The following TLL2 variants were observed in gnomAD, a reference collection of about 807,000 sequenced individuals.
The protein encoded by TLL2 is tolloid-like protein 2.
A neutral mutation model predicts 123.0 loss-of-function variants in TLL2; 106 were observed. That is an observed-to-expected ratio of 0.86 (90% confidence interval 0.74 to 1.01). The LOEUF (loss-of-function observed/expected upper bound fraction) is 1.01, where lower values mean the gene tolerates loss of function less well. TLL2 is among the 50% of genes least tolerant of loss of function. TLL2 has a pLI of 0.00. For synonymous variants in TLL2, 494 were observed against 516.8 expected (o/e 0.96, Z 0.60); for missense variants, 1,332 against 1,336.7 (o/e 1.00, Z 0.06).
chr10:96,487,576 G>A (rs887352716), intron 1 of TLL2, among the ~76,000 whole-genome samples: 1 of 152,154 alleles, frequency 6.6e-6, no homozygotes. Context: ...GGTGGAGTTG[G>A]GGGAGGGAGA....
Position 96,493,939 on chromosome 10 carries a change from G to A in TLL2, c.176-13480C>T, listed in dbSNP as rs117780282. ...AACGACTAGCCCAAGTTGACAATCC[G>A]TAAGAAGGGGACAGGGCTTGAACTC... On this transcript the variant is annotated intron_variant, in intron 1 of 20. Coordinates refer to ENST00000357947, the MANE Select transcript of TLL2 (RefSeq NM_012465.4). 5.9e-5 allele frequency among the ~76,000 whole-genome samples: 9 copies of A among 152,318 alleles called. No homozygotes were observed. The East Asian group carries it at 1.2e-3, about 20-fold the overall frequency.
intron 3 of TLL2, among the ~76,000 whole-genome samples, chr10:96,444,145 C>G (rs1365861020): frequency 6.6e-6 from 1 of 152,170 alleles, no homozygotes; most frequent in South Asian, 2.1e-4. Context: ...TGAGTTCTCC[C>G]TACTGCTAGT....
chr10:96,435,035 CTTT>C (rs34593980), intron 3 of TLL2, among the ~76,000 whole-genome samples: 1 of 130,444 alleles, frequency 7.7e-6, no homozygotes. Context: ...TTTTTTTTTT[CTTT>C]TTTTTTTTTT....
At chr10:96,448,613 T>C (rs1846923541) in intron 2 of TLL2, among the ~76,000 whole-genome samples, 1 of 152,158 alleles carries the variant, frequency 6.6e-6, no homozygotes, top group Admixed American at 6.5e-5. Context: ...CTTGACTTCA[T>C]GGAAATTATA....
intron 1 of TLL2, among the ~76,000 whole-genome samples, chr10:96,491,235 A>ACG (rs1847409427): frequency 6.6e-6 from 1 of 152,156 alleles, no homozygotes; most frequent in Non-Finnish European, 1.5e-5. Context: ...ACAAAAAATT[A>ACG]GCTGGGCGTG....
chr10:96,415,064 A>AG (rs1846540764), intron 7 of TLL2, among the ~76,000 whole-genome samples: 1 of 152,118 alleles, frequency 6.6e-6, no homozygotes, highest in Admixed American at 6.5e-5. Flanking sequence ...CCAGAATGCA[A>AG]GGGGAGGCAC....
chr10:96,488,014 A>G (rs1002778145), intron 1 of TLL2, among the ~76,000 whole-genome samples: 18 of 152,216 alleles, frequency 1.2e-4, no homozygotes, highest in Admixed American at 8.5e-4. Context: ...GAAGCCTTGG[A>G]CAAATAACTT....
At chr10:96,403,499 C>T (rs950203842) in intron 10 of TLL2, among the ~76,000 whole-genome samples, 9 of 152,210 alleles carry the variant, frequency 5.9e-5, no homozygotes, top group Non-Finnish European at 8.8e-5. Context: ...CTGCGCAGGA[C>T]ATGCCTTGTT....
At chr10:96,471,845 G>A (rs1029585912) in intron 2 of TLL2, among the ~76,000 whole-genome samples, 6 of 152,058 alleles carry the variant, frequency 3.9e-5, no homozygotes, top group East Asian at 1.9e-4. Flanking sequence ...TCAGAATTTC[G>A]TAACTTGAGA....
intron 1 of TLL2, among the ~76,000 whole-genome samples, chr10:96,499,979 T>C (rs1847516354): frequency 6.6e-6 from 1 of 151,810 alleles, no homozygotes; most frequent in Non-Finnish European, 1.5e-5. Context: ...AATGGGAGTG[T>C]AAAGGTATAA....
At chr10:96,417,705 C>A (rs1361594924) in intron 7 of TLL2, among the ~76,000 whole-genome samples, 1 of 152,116 alleles carries the variant, frequency 6.6e-6, no homozygotes, top group African/African-American at 2.4e-5. Context: ...GAGGATGAGA[C>A]GCCACATGAA....
chr10:96,386,105 G>C lies in TLL2; in HGVS notation c.1963C>G (p.Gln655Glu). The C allele has an allele frequency of 1.9e-6, 3 of 1,612,772 alleles. No homozygotes were observed. The South Asian group carries it at 3.3e-5, about 18-fold the overall frequency. Reference sequence around the variant, plus strand: ...TCAAACTGAAGGGAGATCCGGTACTGAGCGGGGGCCACCACCTGCCAGACA... The same window carrying C: ...TCAAACTGAAGGGAGATCCGGTACTCAGCGGGGGCCACCACCTGCCAGACA... The part of the protein sequence containing the change: ...NCVWQVVAPA[Q>E]YRISLQFEVF... The change falls in exon 15 of 21, where the codon CAG (glutamine) becomes GAG (glutamate). Residue 655 changes from glutamine to glutamate, a missense_variant. Gln to Glu is a conservative substitution (Grantham distance 29). Transcript: ENST00000357947.
intron 10 of TLL2, among the ~76,000 whole-genome samples, chr10:96,399,880 G>C (rs1248999691): frequency 6.6e-6 from 1 of 152,152 alleles, no homozygotes; most frequent in Non-Finnish European, 1.5e-5. Flanking sequence ...GATGAACCAC[G>C]CACCACCCAA....
At chr10:96,484,167 T>A (rs780316997) in intron 1 of TLL2, among the ~76,000 whole-genome samples, 2 of 152,044 alleles carry the variant, frequency 1.3e-5, no homozygotes, top group African/African-American at 2.4e-5. Context: ...TTCTGGCTAA[T>A]GAAAGTGAGG....
rs191248759 is a variant in TLL2 at position 96,494,870 on chromosome 10, C to T, written c.176-14411G>A. On this transcript the variant is annotated intron_variant, in intron 1 of 20. Transcript: ENST00000357947. ...TGACATGCGGATCCCCAGGCCCCAA[C>T]CCAGATCTATGAAATCAGAATCTCT... Among the ~76,000 whole-genome samples, 12 of 152,300 alleles carry T rather than the reference C, an allele frequency of 7.9e-5. No homozygotes were observed. In the East Asian group the frequency reaches 2.3e-3, roughly 29 times the overall value.
chr10:96,423,188 C>T (rs1846643975), intron 5 of TLL2, among the ~76,000 whole-genome samples: 1 of 151,576 alleles, frequency 6.6e-6, no homozygotes, highest in Admixed American at 6.6e-5. Flanking sequence ...CTCTCATTGT[C>T]CAACTTCCCA....
chr10:96,432,152 T>G (rs1030461784), intron 4 of TLL2, among the ~76,000 whole-genome samples: 1 of 152,138 alleles, frequency 6.6e-6, no homozygotes, highest in Admixed American at 6.5e-5. Context: ...AATATTAATA[T>G]CAGATACATA....
intron 7 of TLL2, among the ~76,000 whole-genome samples, chr10:96,413,859 A>G (rs1334118934): frequency 6.6e-6 from 1 of 152,174 alleles, no homozygotes; most frequent in Non-Finnish European, 1.5e-5. Context: ...TGCAGAGAAC[A>G]AGAAGTAGTG....
At position 96,395,191 on chromosome 10, in the gene TLL2, G is replaced by GA. The variant is rs747469486; in HGVS notation, c.1721dup (p.Lys575GlnfsTer5). 1 of 1,602,208 alleles carries GA rather than the reference G, an allele frequency of 6.2e-7. No homozygotes were observed. The highest frequency in any genetic ancestry group is 1.1e-5 in the South Asian group (1 of 88,684). On this transcript the variant is annotated frameshift_variant, in exon 13 of 21. Coordinates refer to ENST00000357947, the MANE Select transcript of TLL2 (RefSeq NM_012465.4). LOFTEE classifies it high-confidence loss of function. ...AAACAAACTGCTAATTCATACCCTTGAAAAAATTGGCTGCAAAGCCCGCTT... is the reference window on the plus strand; with the variant it reads ...AAACAAACTGCTAATTCATACCCTTGAAAAAAATTGGCTGCAAAGCCCGCTT...
Sources: allele counts gnomAD v4.1 joint callset (sites outside exome capture counted in the v4.1 genomes callset), GRCh38; gene constraint gnomAD v4.1.1; transcripts MANE v1.5; gene names NCBI Gene and HGNC (gene_info 2026-07-23, HGNC 2026-07-21).